ANO2: variants seen among roughly 807,000 people sequenced by gnomAD.
ANO2 encodes the protein anoctamin-2.
ANO2 carries 101 observed loss-of-function variants against 124.2 expected under a neutral mutation model. The ratio of observed to expected loss-of-function variants is 0.81; its 90% CI spans 0.69 to 0.96. ANO2 has a LOEUF of 0.96. Among genes scored for constraint, ANO2 ranks in the 40% least tolerant of loss-of-function variants. The pLI, the probability that ANO2 is intolerant of heterozygous loss-of-function variation, is 0.00. For synonymous variants in ANO2, 486 were observed against 482.5 expected (o/e 1.01, Z -0.09); for missense variants, 1,293 against 1,274.5 (o/e 1.01, Z -0.22).
rs373282275 is a variant in ANO2, at chr12:5,619,966, C to A, written c.1817-4669G>T. Among the ~76,000 whole-genome samples the A allele has an allele frequency of 1.1e-4, 16 of 152,302 alleles. No homozygotes were observed. The East Asian group carries it at 2.5e-3, about 24-fold the overall frequency. On this transcript the variant is annotated intron_variant, in intron 16 of 24. Coordinates refer to ENST00000682330, the MANE Select transcript of ANO2 (RefSeq NM_001364791.2). ...AGTATGGACACTGTTTCTGAGCAGGCCCAGAGGTCACTGAGGGTGGCTAGG... is the reference window on the plus strand; with the variant it reads ...AGTATGGACACTGTTTCTGAGCAGGACCAGAGGTCACTGAGGGTGGCTAGG...
In ANO2 at chr12:5,732,367, C is replaced by T. The variant is rs1317857755; in HGVS notation, c.1545+153G>A. 6.7e-5 allele frequency: 41 copies of T among 610,686 alleles called. 1 individual carries two copies. In the East Asian group the frequency reaches 1.1e-3, roughly 16 times the overall value. 37.8% of individuals were successfully genotyped at this position (610,686 alleles called of 1,614,324 possible). A position where few individuals can be genotyped will look rare whatever the true frequency, so the allele number is the denominator to read the frequency against. ...GCCCATTGCCCATGATCTCTGGCTG[C>T]AGGACAATGCGAGATGTCATGCTCT... On this transcript the variant is annotated intron_variant, in intron 14 of 24. Transcript: ENST00000682330.
chr12:5,937,243 T>A (rs11063937), intron 1 of ANO2, among the ~76,000 whole-genome samples: 14,838 of 152,272 alleles, frequency 0.097, 1,156 homozygotes, highest in African/African-American at 0.21. Flanking sequence ...CTTTTTTATA[T>A]TAGCTATCCT....
chr12:5,770,438 A>C (rs542340435), intron 10 of ANO2, among the ~76,000 whole-genome samples: 38 of 152,196 alleles, frequency 2.5e-4, no homozygotes, highest in African/African-American at 9.1e-4. Context: ...TCTTCTCCCC[A>C]GTCTTTCATA....
intron 13 of ANO2, chr12:5,733,238 A>G (rs899404709): frequency 1.3e-5 from 5 of 373,166 alleles, no homozygotes; most frequent in Non-Finnish European, 2.6e-5. Context: ...CTCATTGGCA[A>G]GTAACAGCAA....
At chr12:5,858,357 A>T (rs1392669671) in intron 3 of ANO2, among the ~76,000 whole-genome samples, 1 of 152,264 alleles carries the variant, frequency 6.6e-6, no homozygotes, top group African/African-American at 2.4e-5. Flanking sequence ...ATTATTTCTA[A>T]TAGCAAAATA....
At chr12:5,691,830 G>A (rs1948955055) in intron 14 of ANO2, among the ~76,000 whole-genome samples, 1 of 152,070 alleles carries the variant, frequency 6.6e-6, no homozygotes, top group African/African-American at 2.4e-5. Context: ...TTGAACCCAG[G>A]AGCAGAGCCT....
intron 20 of ANO2, among the ~76,000 whole-genome samples, chr12:5,597,400 C>T (rs1429104896): frequency 1.3e-5 from 2 of 152,208 alleles, no homozygotes; most frequent in African/African-American, 4.8e-5. Context: ...GCCTCCATCT[C>T]CATCCATGTT....
chr12:5,780,627 G>C (rs578029420), intron 10 of ANO2, among the ~76,000 whole-genome samples: 1 of 152,166 alleles, frequency 6.6e-6, no homozygotes, highest in Admixed American at 6.5e-5. Context: ...ATCTGAGCAT[G>C]AAACAATTAG....
rs150789786 is a variant in ANO2, at chr12:5,732,831, A to T, written c.1435-201T>A. The T allele has an allele frequency of 3.5e-4, 559 of 1,613,580 alleles. 1 individual carries two copies. The African/African-American group carries it at 7.0e-3, about 20-fold the overall frequency. The stretch of plus-strand genomic sequence containing the variant: ...ACACAACGTGAGGAAGAGACAAGGG[A>T]CACACAACACTCGTTATCACACTGA... On this transcript the variant is annotated intron_variant, in intron 13 of 24. Transcript: ENST00000682330.
intron 3 of ANO2, among the ~76,000 whole-genome samples, chr12:5,899,186 T>C (rs1027738086): frequency 1.3e-5 from 2 of 152,200 alleles, no homozygotes; most frequent in African/African-American, 2.4e-5. Context: ...GCTTCCAGCT[T>C]AGAGGACTGG....
intron 14 of ANO2, among the ~76,000 whole-genome samples, chr12:5,676,823 C>T (rs1948266648): frequency 6.6e-6 from 1 of 152,038 alleles, no homozygotes; most frequent in African/African-American, 2.4e-5. Context: ...GGAGGCCGAG[C>T]CAGGCAGATC....
chr12:5,760,974 A>G (rs1421444607), intron 10 of ANO2, among the ~76,000 whole-genome samples: 1 of 149,732 alleles, frequency 6.7e-6, no homozygotes, highest in East Asian at 2.0e-4. Context: ...GCTCTGCTCT[A>G]CCTTACAACT....
intron 15 of ANO2, 47 bp downstream of exon 15, chr12:5,647,680 A>T (rs749817296): frequency 6.3e-5 from 87 of 1,374,496 alleles, no homozygotes; most frequent in Admixed American, 1.5e-4. Flanking sequence ...ACATAACAGC[A>T]TCTACATGCA....
intron 20 of ANO2, among the ~76,000 whole-genome samples, chr12:5,597,374 T>C (rs1028308382): frequency 6.6e-6 from 1 of 152,202 alleles, no homozygotes; most frequent in African/African-American, 2.4e-5. Flanking sequence ...CCTGCATTAG[T>C]ATGCTAAAGA....
chr12:5,612,560 A>C (rs1944592358), intron 19 of ANO2, 96 bp downstream of exon 19: 10 of 983,214 alleles, frequency 1.0e-5, no homozygotes, highest in Non-Finnish European at 1.6e-5. Context: ...AAGCTGTCTA[A>C]GAAGAGGAAA....
chr12:5,627,137 C>A (rs1226038963), intron 16 of ANO2, among the ~76,000 whole-genome samples: 1 of 152,194 alleles, frequency 6.6e-6, no homozygotes, highest in Non-Finnish European at 1.5e-5. Flanking sequence ...TGGCCTATAA[C>A]CGTACTCACA....
At chr12:5,712,046 C>A (rs1466372931) in intron 14 of ANO2, among the ~76,000 whole-genome samples, 1 of 152,162 alleles carries the variant, frequency 6.6e-6, no homozygotes, top group African/African-American at 2.4e-5. Context: ...TTGTGCCGAG[C>A]TGCAGTGAGG....
chr12:5,628,213 T>A (rs1324940008), intron 16 of ANO2, among the ~76,000 whole-genome samples: 1 of 152,224 alleles, frequency 6.6e-6, no homozygotes, highest in Non-Finnish European at 1.5e-5. Context: ...AGCTCCTCTC[T>A]CTCTGTGCAT....
intron 10 of ANO2, among the ~76,000 whole-genome samples, chr12:5,762,676 A>G (rs1951774248): frequency 6.6e-6 from 1 of 151,850 alleles, no homozygotes; most frequent in Non-Finnish European, 1.5e-5. Flanking sequence ...TAGAAAGTGA[A>G]AGAAAATCTT....
Sources: gnomAD v4.1 joint callset for allele counts (sites outside exome capture counted in the v4.1 genomes callset) on GRCh38, gnomAD v4.1.1 for gene constraint, MANE v1.5 for transcripts, NCBI Gene and HGNC (gene_info 2026-07-23, HGNC 2026-07-21) for gene names.